Variants in ZAP70 observed in about 807,000 individuals in gnomAD.
The protein encoded by ZAP70 is tyrosine-protein kinase ZAP-70.
Under a neutral mutation model 65.8 loss-of-function variants are expected in ZAP70, and 27 were observed. The ratio of observed to expected loss-of-function variants is 0.41; its 90% CI spans 0.30 to 0.57. ZAP70 has a LOEUF of 0.57. Among genes scored for constraint, ZAP70 ranks in the 20% least tolerant of loss-of-function variants. The pLI is 0.28. For missense variants in ZAP70, 696 were observed against 870.5 expected, an observed-to-expected ratio of 0.80 and a Z score of 2.52; for synonymous variants, 363 against 360.8, an observed-to-expected ratio of 1.01 and a Z score of -0.07.
At chr2:97,740,028 A>AGCGGCTGGGGTGGAGTGG (rs1397081359), downstream of ZAP70, among the ~76,000 whole-genome samples, 1 of 152,030 alleles carries the variant, frequency 6.6e-6, no homozygotes, top group Non-Finnish European at 1.5e-5. Context: ...CATGTGAGTG[A>AGCGGCTGGGGTGGAGTGG]GCGGCTGGGG....
At chr2:97,727,564 C>T (rs1199725675) in intron 4 of ZAP70, among the ~76,000 whole-genome samples, 1 of 151,082 alleles carries the variant, frequency 6.6e-6, no homozygotes, top group Non-Finnish European at 1.5e-5. Flanking sequence ...TTACATGCTA[C>T]CCCAGGTGCC....
chr2:97,721,902 G>A (rs533794097), intron 2 of ZAP70, among the ~76,000 whole-genome samples: 20 of 151,022 alleles, frequency 1.3e-4, no homozygotes, highest in Middle Eastern at 3.5e-3. Flanking sequence ...TTCTGCTTCA[G>A]CCTCCCGAGT....
intron 8 of ZAP70, chr2:97,734,305 C>A (rs2104692581): frequency 2.2e-6 from 3 of 1,372,456 alleles, no homozygotes; most frequent in East Asian, 5.1e-5. Flanking sequence ...CTAGAGTCCA[C>A]CCTCATGTGG....
intron 5 of ZAP70, 44 bp from the exon 6 acceptor site, chr2:97,733,081 T>C: frequency 6.2e-7 from 1 of 1,613,914 alleles, no homozygotes; most frequent in African/African-American, 1.3e-5. Flanking sequence ...TGCCGGGCTC[T>C]GGGGAGGAGA....
At chr2:97,738,392 A>G in intron 13 of ZAP70, 2 of 493,006 alleles carry the variant, frequency 4.1e-6, no homozygotes, top group Non-Finnish European at 7.5e-6. Flanking sequence ...CAACACGCAA[A>G]CAGGTCCATA....
chr2:97,754,918 C>A, the ZAP70 span, among the ~76,000 whole-genome samples: 1 of 152,184 alleles, frequency 6.6e-6, no homozygotes, highest in Non-Finnish European at 1.5e-5. Flanking sequence ...TCTGGTGTCC[C>A]CGAGGGACAA....
chr2:97,754,056 T>C, the ZAP70 span, among the ~76,000 whole-genome samples: 1 of 152,210 alleles, frequency 6.6e-6, no homozygotes, highest in Non-Finnish European at 1.5e-5. Context: ...TAATTTTAAA[T>C]TCAACCTTGG....
chr2:97,734,590 C>T lies in ZAP70; in HGVS notation c.960C>T (p.Ser320=), dbSNP rs745670298. 7 of 1,614,068 alleles carry T rather than the reference C, an allele frequency of 4.3e-6. No homozygotes were observed. Among genetic ancestry groups the T allele is most frequent in the Admixed American group, 3.3e-5 (2 of 60,012 alleles). The part of the protein sequence containing the change: ...MDTSVYESPY[S]DPEELKDKKL... ...CGAGCGTGTATGAGAGCCCCTACAG[C>T]GACCCAGAGGAGCTCAAGGACAAGA... The change falls in exon 9 of 14, where the codon AGC becomes AGT. Residue 320 remains serine, a synonymous_variant. Coordinates refer to ENST00000264972, the MANE Select transcript of ZAP70 (RefSeq NM_001079.4).
rs1302758619 is a variant in ZAP70, at chr2:97,733,344, G to C, written c.837+1G>C. ...AGCCCACCCATCCACGTTGACTCAT[G>C]TGAGTTGGGGGCACCTGGAGTGTGG... On this transcript the variant is annotated splice_donor_variant, in intron 7 of 13. Coordinates refer to ENST00000264972, the MANE Select transcript of ZAP70 (RefSeq NM_001079.4). LOFTEE classifies it high-confidence loss of function. 6.3e-7 allele frequency: 1 copy of C among 1,593,694 alleles called. No homozygotes were observed. The highest frequency in any genetic ancestry group is 8.6e-7 in the Non-Finnish European group (1 of 1,168,512).
the ZAP70 span, among the ~76,000 whole-genome samples, chr2:97,745,739 A>G: frequency 1.3e-5 from 2 of 152,194 alleles, no homozygotes; most frequent in East Asian, 3.9e-4. Flanking sequence ...GCCTCTGTGG[A>G]AAGCAGTTTG....
At position 97,739,683 on chromosome 2, in the gene ZAP70, A is replaced by G; in HGVS notation, c.*185A>G. 1 of 981,984 alleles carries G rather than the reference A, an allele frequency of 1.0e-6. No homozygotes were observed. Among genetic ancestry groups the G allele is most frequent in the Non-Finnish European group, 1.5e-6 (1 of 675,502 alleles). The allele number at this position is 981,984 out of a possible 1,614,324, so 60.8% of individuals were successfully genotyped here. Reference sequence around the variant, plus strand: ...GGCCCCCTGTCCTCTCTGGCTGGGGAGCAGGGAGGTCCGGGAGGGTGCGGC... The same window carrying G: ...GGCCCCCTGTCCTCTCTGGCTGGGGGGCAGGGAGGTCCGGGAGGGTGCGGC... On this transcript the variant is annotated 3_prime_UTR_variant, in exon 14 of 14. Transcript: ENST00000264972.
At chr2:97,720,636 G>A (rs948524375) in intron 2 of ZAP70, among the ~76,000 whole-genome samples, 1 of 152,224 alleles carries the variant, frequency 6.6e-6, no homozygotes, top group African/African-American at 2.4e-5. Flanking sequence ...ACAAGCGTGA[G>A]CCACTTCGCC....
At chr2:97,747,344 T>C in the ZAP70 span, among the ~76,000 whole-genome samples, 1 of 152,196 alleles carries the variant, frequency 6.6e-6, no homozygotes, top group Non-Finnish European at 1.5e-5. Context: ...AGTAGATAAA[T>C]GTGTGGTATA....
intron 13 of ZAP70, 30 bp downstream of exon 13, chr2:97,738,137 G>T (rs1677987864): frequency 6.4e-7 from 1 of 1,563,766 alleles, no homozygotes; most frequent in Non-Finnish European, 8.7e-7. Context: ...GGACCCGGCT[G>T]GGCTGACCCC....
chr2:97,743,006 C>T (rs1158124060), downstream of ZAP70, among the ~76,000 whole-genome samples: 2 of 152,214 alleles, frequency 1.3e-5, no homozygotes, highest in Admixed American at 1.3e-4. Flanking sequence ...CCCACCCTGC[C>T]CAATCAAGGC....
chr2:97,734,250 A>C lies in ZAP70; in HGVS notation c.890-270A>C, dbSNP rs1353072871. 6.7e-6 allele frequency: 6 copies of C among 892,238 alleles called. No individual in the cohort carries two copies. In the Admixed American group the frequency reaches 1.9e-4, roughly 29 times the overall value. 55.3% of individuals were successfully genotyped at this position (892,238 alleles called of 1,614,324 possible). A position where few individuals can be genotyped will look rare whatever the true frequency, so the allele number is the denominator to read the frequency against. ...ACGAATGCACACACATGCACACCCC[A>C]GCTGGCACAGTAACGGTGCCACGTG... is the stretch of plus-strand genomic sequence containing the variant. On this transcript the variant is annotated intron_variant, in intron 8 of 13. Transcript: ENST00000264972.
intron 10 of ZAP70, among the ~76,000 whole-genome samples, chr2:97,735,749 C>T (rs1256441309): frequency 6.6e-6 from 1 of 152,186 alleles, no homozygotes; most frequent in Admixed American, 6.5e-5. Flanking sequence ...TGCGGTGGCT[C>T]ATGCCTGTAA....
At chr2:97,738,733 C>T (rs1031384176) in intron 13 of ZAP70, among the ~76,000 whole-genome samples, 1 of 152,016 alleles carries the variant, frequency 6.6e-6, no homozygotes. Flanking sequence ...ATGCTGACAC[C>T]CCAACACCCA....
At chr2:97,754,977 A>G in the ZAP70 span, among the ~76,000 whole-genome samples, 1 of 152,220 alleles carries the variant, frequency 6.6e-6, no homozygotes, top group Non-Finnish European at 1.5e-5. Context: ...CTTTGGTATA[A>G]AGCAGAGAAA....
Sources: allele counts gnomAD v4.1 joint callset (sites outside exome capture counted in the v4.1 genomes callset), GRCh38; gene constraint gnomAD v4.1.1; transcripts MANE v1.5; gene names NCBI Gene and HGNC (gene_info 2026-07-23, HGNC 2026-07-21).